The following ERICH2 variants were observed in gnomAD, a reference collection of about 807,000 sequenced individuals.
The protein encoded by ERICH2 is glutamate rich 2.
In ERICH2, 17 loss-of-function variants were observed where a neutral mutation model predicts 17.4. The observed-to-expected ratio is 0.98, with a 90% CI of 0.67 to 1.47. The LOEUF is 1.47. Ranked by LOEUF, ERICH2 falls within the 40% of genes most tolerant of loss-of-function variation. The pLI, the probability that ERICH2 is intolerant of heterozygous loss-of-function variation, is 0.00. For synonymous variants in ERICH2, 51 were observed against 61.1 expected, an observed-to-expected ratio of 0.83 and a Z score of 0.77; for missense variants, 186 against 183.2, an observed-to-expected ratio of 1.01 and a Z score of -0.09.
At chr2:170,782,018 G>A (rs1169096496), upstream of ERICH2, among the ~76,000 whole-genome samples, 3 of 152,186 alleles carry the variant, frequency 2.0e-5, no homozygotes, top group African/African-American at 7.2e-5. Flanking sequence ...TCTGAAAAGA[G>A]TCTAAGAATT....
chr2:170,789,486 A>T (rs1701233120), intron 2 of ERICH2, among the ~76,000 whole-genome samples: 1 of 152,024 alleles, frequency 6.6e-6, no homozygotes. Flanking sequence ...TTCTAGCTGG[A>T]TTTTTTTCCA....
At chr2:170,770,535 G>T in the ERICH2 span, among the ~76,000 whole-genome samples, 1 of 152,052 alleles carries the variant, frequency 6.6e-6, no homozygotes, top group Non-Finnish European at 1.5e-5. Context: ...GCGACCTCAG[G>T]TTGGGGGACT....
intron 2 of ERICH2, among the ~76,000 whole-genome samples, chr2:170,792,376 G>A (rs1206568601): frequency 6.6e-6 from 1 of 152,070 alleles, no homozygotes; most frequent in East Asian, 1.9e-4. Flanking sequence ...AAAAAAAGAT[G>A]TATTATTTTG....
chr2:170,796,428 G>GTTTTTTTT lies in ERICH2; in HGVS notation c.275-1609_275-1602dup, dbSNP rs869301301. 4.1e-4 allele frequency among the ~76,000 whole-genome samples: 47 copies of GTTTTTTTT among 114,272 alleles called. 1 individual carries two copies. The highest frequency in any genetic ancestry group is 1.1e-3 in the Admixed American group (11 of 9,654). The allele number at this position is 114,272 out of a possible 152,430, so 75.0% of individuals were successfully genotyped here. ...AATGGTTATCTCTCTCTCTCTCTTT[G>GTTTTTTTT]TTTTTTTTTTTGTTTTTTTTTTTTT... On this transcript the variant is annotated intron_variant, in intron 3 of 4. Transcript: ENST00000409885.
chr2:170,796,707 G>T (rs1229457467), intron 3 of ERICH2, among the ~76,000 whole-genome samples: 1 of 152,070 alleles, frequency 6.6e-6, no homozygotes, highest in Non-Finnish European at 1.5e-5. Context: ...AAAGTGCTGG[G>T]ATTACAAGTG....
At chr2:170,771,990 C>T in the ERICH2 span, among the ~76,000 whole-genome samples, 3 of 152,160 alleles carry the variant, frequency 2.0e-5, no homozygotes, top group South Asian at 2.1e-4. This position sits in a 1 kb window ranked among gnomAD's most constrained non-coding sequence, Gnocchi z 4.8. Context: ...TTCTAAAAAC[C>T]AAATACAATG....
intron 2 of ERICH2, among the ~76,000 whole-genome samples, chr2:170,786,481 T>G (rs1352780929): frequency 6.6e-6 from 1 of 152,140 alleles, no homozygotes; most frequent in Non-Finnish European, 1.5e-5. Flanking sequence ...TGCCTAGGTG[T>G]GGTTTTCCTC....
chr2:170,774,077 A>G, the ERICH2 span, among the ~76,000 whole-genome samples: 2 of 152,234 alleles, frequency 1.3e-5, no homozygotes, highest in Non-Finnish European at 2.9e-5. Flanking sequence ...GAACTATCAT[A>G]AACTGTGCTG....
At chr2:170,792,384 T>C (rs1201410879) in intron 2 of ERICH2, among the ~76,000 whole-genome samples, 5 of 152,206 alleles carry the variant, frequency 3.3e-5, no homozygotes, top group Non-Finnish European at 5.9e-5. Flanking sequence ...ATGTATTATT[T>C]TGTAACAAGA....
intron 1 of ERICH2, among the ~76,000 whole-genome samples, chr2:170,784,348 G>A (rs1200669731): frequency 6.6e-6 from 1 of 152,096 alleles, no homozygotes. Flanking sequence ...ATGGAATCTA[G>A]GGCCAGACCG....
At chr2:170,794,152 G>A (rs1701362258) in intron 3 of ERICH2, among the ~76,000 whole-genome samples, 1 of 125,162 alleles carries the variant, frequency 8.0e-6, no homozygotes, top group Non-Finnish European at 1.6e-5. Context: ...TGTCACCGAG[G>A]CTAGAGTACA....
intron 2 of ERICH2, among the ~76,000 whole-genome samples, chr2:170,791,128 A>G (rs934834463): frequency 6.6e-6 from 1 of 152,206 alleles, no homozygotes; most frequent in African/African-American, 2.4e-5. Context: ...AATAGGAAAG[A>G]AAATGAAAAT....
the ERICH2 span, among the ~76,000 whole-genome samples, chr2:170,773,125 A>T: frequency 6.6e-6 from 1 of 152,188 alleles, no homozygotes; most frequent in African/African-American, 2.4e-5. Context: ...CTCCTAAACT[A>T]CAATTTCTGA....
chr2:170,797,925 A>C, intron 3 of ERICH2, 116 bp from the exon 9 acceptor site: 1 of 661,430 alleles, frequency 1.5e-6, no homozygotes, highest in Admixed American at 2.6e-5. Context: ...GTTAGTGTTT[A>C]TTGCATTGTG....
At chr2:170,786,094 T>C (rs1412872526) in intron 2 of ERICH2, among the ~76,000 whole-genome samples, 2 of 151,554 alleles carry the variant, frequency 1.3e-5, no homozygotes, top group East Asian at 3.9e-4. Flanking sequence ...ATGTCCTTTA[T>C]ATTTACCCAC....
At chr2:170,791,777 T>G (rs1344300487) in intron 2 of ERICH2, among the ~76,000 whole-genome samples, 1 of 151,838 alleles carries the variant, frequency 6.6e-6, no homozygotes, top group Non-Finnish European at 1.5e-5. Flanking sequence ...AATTAATGAC[T>G]TATAGAAAAA....
the ERICH2 span, among the ~76,000 whole-genome samples, chr2:170,776,211 T>C: frequency 2.6e-5 from 4 of 152,216 alleles, no homozygotes; most frequent in African/African-American, 9.6e-5. Context: ...ACCTTTATAT[T>C]AATAAACACA....
At chr2:170,773,119 T>A in the ERICH2 span, among the ~76,000 whole-genome samples, 1 of 152,224 alleles carries the variant, frequency 6.6e-6, no homozygotes, top group South Asian at 2.1e-4. Flanking sequence ...GCATGACTCC[T>A]AAACTACAAT....
chr2:170,770,398 G>A, the ERICH2 span, among the ~76,000 whole-genome samples: 2 of 152,156 alleles, frequency 1.3e-5, no homozygotes, highest in Admixed American at 1.3e-4. Flanking sequence ...AGCAGCTCTG[G>A]CGCTAGAGGG....
Sources: allele counts gnomAD v4.1 joint callset (sites outside exome capture counted in the v4.1 genomes callset), GRCh38; gene constraint gnomAD v4.1.1; non-coding constraint Gnocchi (gnomAD v3.1); transcripts MANE v1.5; gene names NCBI Gene and HGNC (gene_info 2026-07-23, HGNC 2026-07-21).